Variants in ARHGAP15 observed in about 807,000 individuals in gnomAD.
ARHGAP15 encodes Rho GTPase activating protein 15.
In ARHGAP15, 51 loss-of-function variants were observed where a neutral mutation model predicts 63.7. That is an observed-to-expected ratio of 0.80 (90% CI 0.64 to 1.01). The LOEUF (loss-of-function observed/expected upper bound fraction) is 1.01, where lower values mean the gene tolerates loss of function less well. Among genes scored for constraint, ARHGAP15 ranks in the 50% least tolerant of loss-of-function variants. The pLI, the probability that ARHGAP15 is intolerant of heterozygous loss-of-function variation, is 0.00. For synonymous variants in ARHGAP15, 191 were observed against 193.8 expected (o/e 0.99, Z 0.12); for missense variants, 560 against 564.6 (o/e 0.99, Z 0.08).
chr2:143,225,607 A>AAAAACAAAAC (rs148636064), intron 4 of ARHGAP15, among the ~76,000 whole-genome samples: 62 of 152,054 alleles, frequency 4.1e-4, no homozygotes, highest in South Asian at 2.1e-3. Context: ...CTCCGTCTCA[A>AAAAACAAAAC]AAAACAAAAC....
intron 11 of ARHGAP15, among the ~76,000 whole-genome samples, chr2:143,615,486 C>CT (rs1318666834): frequency 6.6e-6 from 1 of 152,152 alleles, no homozygotes; most frequent in African/African-American, 2.4e-5. Flanking sequence ...ACATTGGATG[C>CT]TTTTCATATA....
intron 1 of ARHGAP15, among the ~76,000 whole-genome samples, chr2:143,130,390 A>AT (rs1191031286): frequency 6.6e-6 from 1 of 152,118 alleles, no homozygotes; most frequent in African/African-American, 2.4e-5. Flanking sequence ...CTGACTGTAG[A>AT]TTTTTGAAAG....
chr2:143,166,001 A>AGAAAGAAGGAAGGAAGGAAG (rs70982847), intron 2 of ARHGAP15, among the ~76,000 whole-genome samples: 3 of 101,110 alleles, frequency 3.0e-5, no homozygotes, highest in African/African-American at 9.1e-5. Context: ...AAAGAAAGAA[A>AGAAAGAAGGAAGGAAGGAAG]GAAGGAAGGA....
intron 9 of ARHGAP15, among the ~76,000 whole-genome samples, chr2:143,503,123 A>G (rs1693148512): frequency 6.6e-6 from 1 of 152,268 alleles, no homozygotes; most frequent in Non-Finnish European, 1.5e-5. Flanking sequence ...TGACCAGCCT[A>G]GAATCCTAGA....
intron 8 of ARHGAP15, among the ~76,000 whole-genome samples, chr2:143,447,913 C>G (rs1690220379): frequency 6.6e-6 from 1 of 152,040 alleles, no homozygotes; most frequent in African/African-American, 2.4e-5. Context: ...TGGGTTCCTC[C>G]AGAAGCAGTC....
intron 12 of ARHGAP15, among the ~76,000 whole-genome samples, chr2:143,687,917 T>C (rs1683421577): frequency 6.6e-6 from 1 of 152,234 alleles, no homozygotes; most frequent in African/African-American, 2.4e-5. Flanking sequence ...AGCAAAATTA[T>C]ATGGTATCTA....
chr2:143,283,943 G>A (rs372102375), intron 6 of ARHGAP15, among the ~76,000 whole-genome samples: 1 of 151,628 alleles, frequency 6.6e-6, no homozygotes, highest in East Asian at 1.9e-4. Flanking sequence ...AAATTCTATC[G>A]CCAATCCTTT....
At chr2:143,200,375 A>ATTT (rs752925824) in intron 2 of ARHGAP15, among the ~76,000 whole-genome samples, 44 of 142,480 alleles carry the variant, frequency 3.1e-4, no homozygotes, top group African/African-American at 1.1e-3. Context: ...CAGGATTCTG[A>ATTT]TTTTTTTTTT....
chr2:143,160,356 T>G (rs1690242316), intron 2 of ARHGAP15, among the ~76,000 whole-genome samples: 1 of 151,982 alleles, frequency 6.6e-6, no homozygotes. Context: ...ATTGGACTAT[T>G]GTGGATGACA....
chr2:143,388,749 C>T (rs563722851), intron 6 of ARHGAP15, among the ~76,000 whole-genome samples: 52 of 152,234 alleles, frequency 3.4e-4, no homozygotes, highest in Admixed American at 1.8e-3. Context: ...TTAAATCTAA[C>T]TTATATATTC....
At chr2:143,666,393 C>T (rs536955892) in intron 12 of ARHGAP15, among the ~76,000 whole-genome samples, 2 of 152,266 alleles carry the variant, frequency 1.3e-5, no homozygotes, top group African/African-American at 2.4e-5. Context: ...TGTATCGCTT[C>T]CTTACACCTT....
intron 12 of ARHGAP15, among the ~76,000 whole-genome samples, chr2:143,690,241 T>G (rs1012334141): frequency 1.3e-5 from 2 of 152,262 alleles, no homozygotes; most frequent in Non-Finnish European, 2.9e-5. Context: ...TATGTTACTC[T>G]CAGTCCCTGT....
At chr2:143,757,568 G>A (rs1179364117) in intron 13 of ARHGAP15, among the ~76,000 whole-genome samples, 1 of 151,892 alleles carries the variant, frequency 6.6e-6, no homozygotes, top group Admixed American at 6.6e-5. Context: ...TATCAGCACA[G>A]TACCGTATAC....
At chr2:143,463,277 C>A (rs1691043612) in intron 8 of ARHGAP15, among the ~76,000 whole-genome samples, 1 of 152,062 alleles carries the variant, frequency 6.6e-6, no homozygotes. Flanking sequence ...TGCGGTGGCT[C>A]ACGCCTGTAA....
rs542248049 is a variant in ARHGAP15 at position 143,146,087 on chromosome 2, G to A, written c.-14-9390G>A. ...TAAGAGGGCAATAAAAGCACTAATC[G>A]TAAAAGGATATAAATAATAAGTTAA... On this transcript the variant is annotated intron_variant, in intron 1 of 13. Transcript: ENST00000295095. Among the ~76,000 whole-genome samples, 122 of 151,694 alleles carry A rather than the reference G, an allele frequency of 8.0e-4. 1 individual carries two copies. The highest frequency in any genetic ancestry group is 6.8e-3 in the Middle Eastern group (2 of 294).
At chr2:143,346,202 T>TCACA (rs1176819904) in intron 6 of ARHGAP15, among the ~76,000 whole-genome samples, 1 of 133,322 alleles carries the variant, frequency 7.5e-6, no homozygotes, top group African/African-American at 3.0e-5. Context: ...ACTCTCTCTC[T>TCACA]CACACACACA....
intron 12 of ARHGAP15, among the ~76,000 whole-genome samples, chr2:143,630,042 C>T (rs972973215): frequency 6.6e-6 from 1 of 152,096 alleles, no homozygotes; most frequent in African/African-American, 2.4e-5. Flanking sequence ...ACAGAAGACC[C>T]ATATGTCCTA....
intron 6 of ARHGAP15, among the ~76,000 whole-genome samples, chr2:143,262,765 A>T (rs754673145): frequency 1.3e-5 from 2 of 152,060 alleles, no homozygotes; most frequent in Non-Finnish European, 2.9e-5. Context: ...TCTTGTACAC[A>T]TCATGAGTAT....
intron 6 of ARHGAP15, among the ~76,000 whole-genome samples, chr2:143,280,877 G>A (rs1681806547): frequency 6.6e-6 from 1 of 152,016 alleles, no homozygotes; most frequent in Non-Finnish European, 1.5e-5. Context: ...TTATAAGAAA[G>A]TATCTATAGT....
Sources: allele counts gnomAD v4.1 joint callset (sites outside exome capture counted in the v4.1 genomes callset), GRCh38; gene constraint gnomAD v4.1.1; transcripts MANE v1.5; gene names NCBI Gene and HGNC (gene_info 2026-07-23, HGNC 2026-07-21).